Variants in PCDHA4 observed in about 807,000 individuals in gnomAD.
PCDHA4 encodes the protein protocadherin alpha 4, also known as protocadherin alpha-4.
A neutral mutation model predicts 61.4 loss-of-function variants in PCDHA4; 49 were observed. The observed-to-expected ratio is 0.80, with a 90% CI of 0.63 to 1.01. PCDHA4 has a LOEUF of 1.01. Ranked by LOEUF, PCDHA4 falls within the 50% of genes least tolerant of loss-of-function variation. The pLI is 0.00. For synonymous variants in PCDHA4, 590 were observed against 550.3 expected, an observed-to-expected ratio of 1.07 and a Z score of -1.01; for missense variants, 1,254 against 1,235.8, an observed-to-expected ratio of 1.01 and a Z score of -0.22.
intron 1 of PCDHA4, among the ~76,000 whole-genome samples, chr5:140,889,584 CT>C (rs1192659128): frequency 1.3e-5 from 2 of 151,792 alleles, no homozygotes; most frequent in Non-Finnish European, 2.9e-5. Context: ...TTTGTTTTTG[CT>C]TTGAAATATT....
intron 1 of PCDHA4, among the ~76,000 whole-genome samples, chr5:140,973,564 A>T (rs2096593487): frequency 6.6e-6 from 1 of 152,168 alleles, no homozygotes; most frequent in Admixed American, 6.5e-5. Context: ...CTCTTTCCTC[A>T]ATTTTTCTAC....
intron 1 of PCDHA4, chr5:140,816,269 C>T: frequency 6.6e-6 from 1 of 152,132 alleles, no homozygotes; most frequent in East Asian, 1.9e-4. Context: ...ACTCATTCTT[C>T]TACTTGATTA....
chr5:140,819,712 ATAATT>A (rs1766603643), intron 1 of PCDHA4, among the ~76,000 whole-genome samples: 1 of 152,132 alleles, frequency 6.6e-6, no homozygotes, highest in Non-Finnish European at 1.5e-5. Context: ...AAAAGTAAAT[ATAATT>A]TAACAGATAT....
chr5:140,956,464 A>C (rs1340273443), intron 1 of PCDHA4, among the ~76,000 whole-genome samples: 1 of 152,148 alleles, frequency 6.6e-6, no homozygotes, highest in Admixed American at 6.6e-5. Flanking sequence ...ATTGATTTGC[A>C]TATGTTGAAC....
In PCDHA4 at chr5:140,848,623, C is replaced by A. The variant is rs186780543; in HGVS notation, c.2385+39051C>A. 2.4e-3 allele frequency: 3,747 copies of A among 1,588,346 alleles called. 451 individuals carry two copies. Among genetic ancestry groups the A allele is most frequent in the Middle Eastern group, 8.5e-3 (48 of 5,656 alleles). On this transcript the variant is annotated intron_variant, in intron 1 of 3. Coordinates refer to ENST00000530339, the MANE Select transcript of PCDHA4 (RefSeq NM_018907.4). ...GTCCCGGAGGAAGCCGAACACGGCA[C>A]CTTCGTGGGCCGCATCGCGCAGGAC...
Position 140,809,291 on chromosome 5 carries a change from A to T in PCDHA4, c.2104A>T (p.Ile702Phe), listed in dbSNP as rs782054971. 36 of 1,613,936 alleles carry T rather than the reference A, an allele frequency of 2.2e-5. No individual in the cohort carries two copies. Among genetic ancestry groups the T allele is most frequent in the Admixed American group, 2.2e-4 (13 of 60,012 alleles). Residue 702 changes from isoleucine (I) to phenylalanine (F), a missense_variant, in exon 1 of 4, where the codon ATT becomes TTT. By Grantham distance (21) the Ile-to-Phe change is conservative (BLOSUM62 0). Coordinates refer to ENST00000530339, the MANE Select transcript of PCDHA4 (RefSeq NM_018907.4). Reference protein sequence around the residue: ...ALVDVNVYLIIAICAVSSLLV... With the variant: ...ALVDVNVYLIFAICAVSSLLV... Reference sequence around the variant, plus strand: ...GGTGGATGTCAACGTATACCTGATCATTGCCATCTGCGCGGTGTCCAGCCT... The same window carrying T: ...GGTGGATGTCAACGTATACCTGATCTTTGCCATCTGCGCGGTGTCCAGCCT...
At chr5:140,902,989 T>G (rs1350698990) in intron 1 of PCDHA4, among the ~76,000 whole-genome samples, 1 of 152,238 alleles carries the variant, frequency 6.6e-6, no homozygotes, top group East Asian at 1.9e-4. Context: ...GGTTCCATAT[T>G]TTTGCAATTG....
At chr5:140,881,361 C>A (rs990387338) in intron 1 of PCDHA4, 6 of 985,126 alleles carry the variant, frequency 6.1e-6, no homozygotes, top group Non-Finnish European at 7.2e-6. Context: ...GCGTGGCTTT[C>A]GTATGAATTG....
Position 141,012,307 on chromosome 5 carries a change from T to G in PCDHA4, c.*2370T>G, listed in dbSNP as rs369179929. ...CATTTTGAATTGGTGCTATTGGTAT[T>G]TCCTCTGTTATTGCTAATAAATGAA... On this transcript the variant is annotated 3_prime_UTR_variant, in exon 4 of 4. Transcript: ENST00000530339. 1 of 153,794 alleles carries G rather than the reference T, an allele frequency of 6.5e-6. No homozygotes were observed. The highest frequency in any genetic ancestry group is 1.5e-5 in the Non-Finnish European group (1 of 68,040). 9.5% of individuals were successfully genotyped at this position (153,794 alleles called of 1,614,324 possible).
rs116326633 is a variant in PCDHA4 at position 141,003,488 on chromosome 5, G to A, written c.2534-6139G>A. Reference sequence around the variant, plus strand: ...CACCACAGTCTCGCTAATTTTTATAGTTTTAGTAGAGATGGGGTTTCACCA... The same window carrying A: ...CACCACAGTCTCGCTAATTTTTATAATTTTAGTAGAGATGGGGTTTCACCA... On this transcript the variant is annotated intron_variant, in intron 3 of 3. Transcript: ENST00000530339. 8.1e-3 allele frequency among the ~76,000 whole-genome samples: 1,225 copies of A among 152,062 alleles called. 19 individuals are homozygous for A. The highest frequency in any genetic ancestry group is 0.028 in the African/African-American group (1,155 of 41,502).
In PCDHA4 at chr5:141,010,257, G is replaced by T; in HGVS notation, c.*320G>T. On this transcript the variant is annotated 3_prime_UTR_variant, in exon 4 of 4. Coordinates refer to ENST00000530339, the MANE Select transcript of PCDHA4 (RefSeq NM_018907.4). ...AGTGAGAGGTTGGACTCTCTGCCCT[G>T]TGCTCCGGGGATCCTGTCTTGATGA... 6.4e-7 allele frequency: 1 copy of T among 1,551,794 alleles called. No homozygotes were observed. The highest frequency in any genetic ancestry group is 8.7e-7 in the Non-Finnish European group (1 of 1,147,016).
intron 1 of PCDHA4, among the ~76,000 whole-genome samples, chr5:140,936,526 C>T (rs183606913): frequency 6.6e-6 from 1 of 152,302 alleles, no homozygotes; most frequent in East Asian, 1.9e-4. Flanking sequence ...CCTGAAATTG[C>T]TTTTGAATAT....
intron 1 of PCDHA4, chr5:140,821,931 G>C: frequency 1.2e-6 from 2 of 1,614,176 alleles, no homozygotes; most frequent in Non-Finnish European, 8.5e-7. Context: ...AGGACCTAGG[G>C]CTGGAGCTGG....
At chr5:140,920,713 G>A (rs140720388) in intron 1 of PCDHA4, among the ~76,000 whole-genome samples, 41 of 152,140 alleles carry the variant, frequency 2.7e-4, no homozygotes, top group African/African-American at 9.6e-4. Context: ...GCATGGTGGT[G>A]TGCGCCTGCA....
intron 1 of PCDHA4, among the ~76,000 whole-genome samples, chr5:140,874,989 A>G (rs1411320872): frequency 6.6e-6 from 1 of 152,218 alleles, no homozygotes; most frequent in Non-Finnish European, 1.5e-5. Context: ...ATTATTCTGT[A>G]TATCATTTTC....
At chr5:140,924,901 A>AT (rs1554202312) in intron 1 of PCDHA4, among the ~76,000 whole-genome samples, 3 of 80,456 alleles carry the variant, frequency 3.7e-5, no homozygotes, top group African/African-American at 8.6e-5. Context: ...TCTCAAAAAA[A>AT]AAAATAAAAT....
intron 1 of PCDHA4, among the ~76,000 whole-genome samples, chr5:140,935,894 C>CTT (rs55841305): frequency 0.3 from 41,439 of 136,538 alleles, 6,640 homozygotes; most frequent in East Asian, 0.49. Context: ...TCAATATTAT[C>CTT]TTTTTTTTTT....
chr5:140,839,348 C>T (rs1169495431), intron 1 of PCDHA4, among the ~76,000 whole-genome samples: 2 of 148,576 alleles, frequency 1.3e-5, no homozygotes, highest in African/African-American at 2.5e-5. Flanking sequence ...AGGGGATCCT[C>T]CTTAGCCACC....
Position 140,812,326 on chromosome 5 carries a change from G to A in PCDHA4, c.2385+2754G>A, listed in dbSNP as rs1014995248. The A allele has an allele frequency of 6.6e-5, 10 of 152,006 alleles. No individual in the cohort carries two copies. The East Asian group carries it at 1.9e-3, about 29-fold the overall frequency. The allele number at this position is 152,006 out of a possible 1,614,324, so 9.4% of individuals were successfully genotyped here. On this transcript the variant is annotated intron_variant, in intron 1 of 3. Coordinates refer to ENST00000530339, the MANE Select transcript of PCDHA4 (RefSeq NM_018907.4). ...ATTTTAAAAGCCTCTTATAATTGTGGCATCAGGTGTAATGCCACCTCTTTT... is the reference window on the plus strand; with the variant it reads ...ATTTTAAAAGCCTCTTATAATTGTGACATCAGGTGTAATGCCACCTCTTTT...
Sources: allele counts gnomAD v4.1 joint callset (sites outside exome capture counted in the v4.1 genomes callset), GRCh38; gene constraint gnomAD v4.1.1; transcripts MANE v1.5; gene names NCBI Gene and HGNC (gene_info 2026-07-23, HGNC 2026-07-21).